FYB1: variants seen among roughly 807,000 people sequenced by gnomAD.
FYB1 encodes FYN-binding protein 1.
In FYB1, 41 loss-of-function variants were observed where a neutral mutation model predicts 94.1. That is an observed-to-expected ratio of 0.44 (90% CI 0.34 to 0.57). The LOEUF (loss-of-function observed/expected upper bound fraction) is 0.57. FYB1 is among the 20% of genes least tolerant of loss of function. The pLI is 0.02. For synonymous variants in FYB1, 367 were observed against 353.2 expected (o/e 1.04, Z -0.44); for missense variants, 1,050 against 976.8 (o/e 1.07, Z -1.00).
At chr5:39,243,067 A>G (rs1474356860) in intron 1 of FYB1, among the ~76,000 whole-genome samples, 2 of 152,184 alleles carry the variant, frequency 1.3e-5, no homozygotes, top group Non-Finnish European at 2.9e-5. Flanking sequence ...TAGATTGCAA[A>G]TATGTTCTCC....
At chr5:39,173,468 T>C (rs1745439981) in intron 2 of FYB1, among the ~76,000 whole-genome samples, 1 of 152,206 alleles carries the variant, frequency 6.6e-6, no homozygotes, top group East Asian at 1.9e-4. Context: ...TTGTTACTGC[T>C]GCAATTGCTT....
At chr5:39,170,649 C>A (rs1416813391) in intron 2 of FYB1, among the ~76,000 whole-genome samples, 1 of 152,000 alleles carries the variant, frequency 6.6e-6, no homozygotes, top group Non-Finnish European at 1.5e-5. Context: ...TTATTATTTG[C>A]CTACAGCTGA....
intron 16 of FYB1, among the ~76,000 whole-genome samples, chr5:39,112,323 A>C (rs1739143564): frequency 6.6e-6 from 1 of 152,014 alleles, no homozygotes. Context: ...CACAATAGCA[A>C]ATGTTCCCAT....
At chr5:39,244,675 G>A (rs1012107906) in intron 1 of FYB1, among the ~76,000 whole-genome samples, 2 of 152,102 alleles carry the variant, frequency 1.3e-5, no homozygotes, top group African/African-American at 4.8e-5. Context: ...AGGGAGGATT[G>A]CCTCTTTTTC....
At chr5:39,134,758 C>T (rs1253265308) in intron 8 of FYB1, 97 bp downstream of exon 8, 8 of 1,315,224 alleles carry the variant, frequency 6.1e-6, no homozygotes, top group East Asian at 2.4e-5. Flanking sequence ...TAAAGTACTC[C>T]TAACTCGATG....
intron 1 of FYB1, among the ~76,000 whole-genome samples, chr5:39,230,947 G>A (rs756904483): frequency 7.3e-5 from 11 of 151,426 alleles, no homozygotes; most frequent in Admixed American, 1.3e-4. Flanking sequence ...CAGGCCAACC[G>A]TAATAAAAAT....
At chr5:39,219,605 GTTGAGTGAGCCACACC>G, upstream of FYB1, 1 of 985,246 alleles carries the variant, frequency 1.0e-6, no homozygotes, top group Non-Finnish European at 1.2e-6. Flanking sequence ...CCGGTCAGTG[GTTGAGTGAGCCACACC>G]TCCCTCCCCT....
At chr5:39,119,844 A>C (rs1016858903) in intron 14 of FYB1, among the ~76,000 whole-genome samples, 6 of 152,138 alleles carry the variant, frequency 3.9e-5, no homozygotes, top group Non-Finnish European at 8.8e-5. Context: ...ATGAGAATTA[A>C]AATGGAAGTG....
intron 1 of FYB1, among the ~76,000 whole-genome samples, chr5:39,214,442 A>G (rs999270677): frequency 1.7e-4 from 26 of 152,362 alleles, no homozygotes; most frequent in African/African-American, 6.3e-4. Flanking sequence ...GGTAGATCCC[A>G]TGTTTATAGT....
At chr5:39,192,098 A>G (rs1354427119) in intron 2 of FYB1, among the ~76,000 whole-genome samples, 1 of 152,232 alleles carries the variant, frequency 6.6e-6, no homozygotes, top group African/African-American at 2.4e-5. Context: ...AAATTGTTTT[A>G]GCAGATTGTA....
At chr5:39,241,557 G>A (rs1465014640) in intron 1 of FYB1, among the ~76,000 whole-genome samples, 1 of 152,130 alleles carries the variant, frequency 6.6e-6, no homozygotes, top group African/African-American at 2.4e-5. Flanking sequence ...TGGTAGAAAG[G>A]ATTAGGGGGA....
At chr5:39,251,216 A>C (rs1227405587) in intron 1 of FYB1, among the ~76,000 whole-genome samples, 2 of 152,216 alleles carry the variant, frequency 1.3e-5, no homozygotes, top group Admixed American at 6.5e-5. Context: ...AATAAGAAGT[A>C]GTGTTTAATC....
At chr5:39,265,506 A>T (rs910036403) in intron 1 of FYB1, among the ~76,000 whole-genome samples, 3 of 150,716 alleles carry the variant, frequency 2.0e-5, no homozygotes, top group Non-Finnish European at 4.4e-5. Flanking sequence ...AAGAAAAAAA[A>T]ATTAGCTGGG....
chr5:39,238,044 T>C (rs962012015), intron 1 of FYB1, among the ~76,000 whole-genome samples: 3 of 152,044 alleles, frequency 2.0e-5, no homozygotes, highest in Non-Finnish European at 2.9e-5. Context: ...TAATCAAAAT[T>C]CAGAATGGTT....
chr5:39,241,088 G>T (rs1751183806), intron 1 of FYB1, among the ~76,000 whole-genome samples: 1 of 152,166 alleles, frequency 6.6e-6, no homozygotes, highest in Admixed American at 6.6e-5. Flanking sequence ...AATACTGCAT[G>T]TTTACACTTC....
intron 1 of FYB1, among the ~76,000 whole-genome samples, chr5:39,238,055 T>C (rs1179951185): frequency 6.6e-6 from 1 of 152,002 alleles, no homozygotes; most frequent in African/African-American, 2.4e-5. Context: ...CAGAATGGTT[T>C]ATTGACCCCA....
At chr5:39,114,861 T>C (rs181163270) in intron 16 of FYB1, among the ~76,000 whole-genome samples, 33 of 152,218 alleles carry the variant, frequency 2.2e-4, no homozygotes, top group Admixed American at 1.4e-3. Context: ...GAACATTTCA[T>C]TGAAGTGACT....
At chr5:39,110,720 G>T in intron 16 of FYB1, 1 of 297,944 alleles carries the variant, frequency 3.4e-6, no homozygotes, top group South Asian at 3.4e-5. Flanking sequence ...CCATGATCCA[G>T]TTTTAGGAAG....
intron 2 of FYB1, among the ~76,000 whole-genome samples, chr5:39,188,062 G>A (rs1579610706): frequency 2.6e-5 from 4 of 152,060 alleles, no homozygotes; most frequent in South Asian, 4.2e-4. Context: ...CCAGGCTGAC[G>A]GTCAGTTGGT....
Sources: gnomAD v4.1 joint callset for allele counts (sites outside exome capture counted in the v4.1 genomes callset) on GRCh38, gnomAD v4.1.1 for gene constraint, MANE v1.5 for transcripts, NCBI Gene and HGNC (gene_info 2026-07-23, HGNC 2026-07-21) for gene names.